The following MEIKIN variants were observed in gnomAD, a reference collection of about 807,000 sequenced individuals.
MEIKIN encodes the protein meiosis-specific kinetochore protein.
At chr5:131,895,643 C>T (rs1297153322) in intron 8 of MEIKIN, among the ~76,000 whole-genome samples, 2 of 152,076 alleles carry the variant, frequency 1.3e-5, no homozygotes, top group African/African-American at 4.8e-5. Flanking sequence ...AGGAATTTAT[C>T]CATTTCTTAT....
At chr5:131,928,902 C>T (rs1751636326) in intron 5 of MEIKIN, among the ~76,000 whole-genome samples, 1 of 152,152 alleles carries the variant, frequency 6.6e-6, no homozygotes, top group Non-Finnish European at 1.5e-5. Context: ...TTTATCTTTA[C>T]CAATGAGTCT....
intron 11 of MEIKIN, among the ~76,000 whole-genome samples, chr5:131,842,200 C>T (rs767691192): frequency 1.3e-5 from 2 of 152,118 alleles, no homozygotes; most frequent in South Asian, 2.1e-4. Flanking sequence ...CTCTTGACCT[C>T]GTGATCTGCC....
At chr5:131,865,135 T>A in intron 9 of MEIKIN, among the ~76,000 whole-genome samples, 1 of 152,154 alleles carries the variant, frequency 6.6e-6, no homozygotes, top group East Asian at 1.9e-4. Context: ...TTTTTTCTGA[T>A]TTCTTTGTAT....
intron 11 of MEIKIN, among the ~76,000 whole-genome samples, chr5:131,829,448 G>A (rs1401384157): frequency 6.6e-6 from 1 of 152,122 alleles, no homozygotes; most frequent in Non-Finnish European, 1.5e-5. Flanking sequence ...CTAGGATGGG[G>A]CACAGAGAGC....
chr5:131,927,056 T>C (rs1751598923), intron 5 of MEIKIN, among the ~76,000 whole-genome samples: 1 of 152,202 alleles, frequency 6.6e-6, no homozygotes, highest in Non-Finnish European at 1.5e-5. Context: ...CTGTTCATTC[T>C]TTTTTTCTAG....
At chr5:131,863,087 T>C (rs6893957) in intron 9 of MEIKIN, among the ~76,000 whole-genome samples, 96,685 of 151,826 alleles carry the variant, frequency 0.64, 32,736 homozygotes, top group Non-Finnish European at 0.77. Context: ...TCAAGTACTG[T>C]ATAGTTTCCA....
At chr5:131,904,532 G>A (rs1208738494) in intron 8 of MEIKIN, among the ~76,000 whole-genome samples, 1 of 152,072 alleles carries the variant, frequency 6.6e-6, no homozygotes, top group Non-Finnish European at 1.5e-5. Flanking sequence ...TACAATTATT[G>A]AACTAATTTA....
At chr5:131,931,440 G>C (rs1751693250) in intron 5 of MEIKIN, among the ~76,000 whole-genome samples, 1 of 152,190 alleles carries the variant, frequency 6.6e-6, no homozygotes, top group Non-Finnish European at 1.5e-5. Flanking sequence ...CAATCACCTT[G>C]GGTATGTTGG....
chr5:131,881,274 T>C (rs1750699803), intron 8 of MEIKIN, among the ~76,000 whole-genome samples: 1 of 152,212 alleles, frequency 6.6e-6, no homozygotes, highest in Non-Finnish European at 1.5e-5. Flanking sequence ...CCTCATTTGA[T>C]TTCATAATCT....
rs561065534 is a variant in MEIKIN at position 131,824,955 on chromosome 5, G to T, written c.976-6092C>A. 4.9e-4 allele frequency among the ~76,000 whole-genome samples: 74 copies of T among 152,222 alleles called. 2 individuals are homozygous for T. The highest frequency in any genetic ancestry group is 3.5e-3 in the Admixed American group (54 of 15,278). On this transcript the variant is annotated intron_variant, in intron 11 of 12. Transcript: ENST00000442687. ...AAACCCAGTACTTTGAGAGGCTGAG[G>T]TGAGAGGATCACTTGAGTCCAGGAG...
intron 11 of MEIKIN, among the ~76,000 whole-genome samples, chr5:131,833,189 A>T (rs1487687166): frequency 6.6e-6 from 1 of 152,168 alleles, no homozygotes; most frequent in African/African-American, 2.4e-5. Context: ...CTGCTTAGAA[A>T]TTTCTTCTGC....
chr5:131,866,627 A>G (rs556661726), intron 9 of MEIKIN, among the ~76,000 whole-genome samples: 2 of 152,184 alleles, frequency 1.3e-5, no homozygotes, highest in Non-Finnish European at 2.9e-5. Context: ...GTGAGAATGC[A>G]CAGTTGCCCC....
intron 12 of MEIKIN, among the ~76,000 whole-genome samples, chr5:131,817,472 C>T (rs891319619): frequency 2.6e-5 from 4 of 151,866 alleles, no homozygotes; most frequent in Admixed American, 2.0e-4. Flanking sequence ...AAAAATTAGC[C>T]GGGCGTGGTG....
chr5:131,887,781 A>G (rs939890263), intron 8 of MEIKIN, among the ~76,000 whole-genome samples: 7 of 151,456 alleles, frequency 4.6e-5, no homozygotes, highest in African/African-American at 1.5e-4. Flanking sequence ...ATATGTATAC[A>G]TGTGCCATGT....
At chr5:131,942,558 T>C (rs1459834272) in intron 4 of MEIKIN, 77 bp downstream of exon 4, 2 of 395,908 alleles carry the variant, frequency 5.1e-6, no homozygotes, top group African/African-American at 2.1e-5. Context: ...GATAGGAAGA[T>C]GGGGAGAGAT....
intron 8 of MEIKIN, among the ~76,000 whole-genome samples, chr5:131,909,863 CAAT>C (rs1265071789): frequency 6.6e-6 from 1 of 152,150 alleles, no homozygotes; most frequent in East Asian, 1.9e-4. Context: ...ATCAAAACTA[CAAT>C]GTCATATCAT....
chr5:131,898,236 C>T (rs991332734), intron 8 of MEIKIN, among the ~76,000 whole-genome samples: 1 of 152,200 alleles, frequency 6.6e-6, no homozygotes, highest in African/African-American at 2.4e-5. Context: ...CCAGCAGATG[C>T]TGCAAAACAG....
chr5:131,857,010 G>C (rs1430738840), intron 9 of MEIKIN, among the ~76,000 whole-genome samples: 2 of 151,364 alleles, frequency 1.3e-5, no homozygotes, highest in South Asian at 2.1e-4. Flanking sequence ...ACAACGTGCA[G>C]GTTAGTTACA....
intron 8 of MEIKIN, among the ~76,000 whole-genome samples, chr5:131,889,727 G>A (rs1750872372): frequency 6.6e-6 from 1 of 152,126 alleles, no homozygotes; most frequent in African/African-American, 2.4e-5. Flanking sequence ...TGATGGCCCT[G>A]ACCAGAACTT....
Sources: gnomAD v4.1 joint callset for allele counts (sites outside exome capture counted in the v4.1 genomes callset) on GRCh38, gnomAD v4.1.1 for gene constraint, MANE v1.5 for transcripts, NCBI Gene and HGNC (gene_info 2026-07-23, HGNC 2026-07-21) for gene names.